The following MMP7 variants were observed in gnomAD, a reference collection of about 807,000 sequenced individuals.
MMP7 encodes matrilysin.
MMP7 carries 26 observed loss-of-function variants against 31.5 expected under a neutral mutation model. That is an observed-to-expected ratio of 0.83 (90% CI 0.61 to 1.15). The LOEUF is 1.15. MMP7 is among the 50% of genes most tolerant of loss of function. MMP7 has a pLI of 0.00. For missense variants in MMP7, 367 were observed against 326.5 expected (o/e 1.12, Z -0.96); for synonymous variants, 142 against 124.2 (o/e 1.14, Z -0.95).
chr11:102,528,982 G>A (rs896637102), intron 1 of MMP7, among the ~76,000 whole-genome samples: 1 of 152,160 alleles, frequency 6.6e-6, no homozygotes, highest in Non-Finnish European at 1.5e-5. Flanking sequence ...GAAATAAATT[G>A]CACAAGATCA....
At chr11:102,523,495 A>G in intron 4 of MMP7, 94 bp from the exon 5 acceptor site, 1 of 1,083,408 alleles carries the variant, frequency 9.2e-7, no homozygotes, top group Non-Finnish European at 1.2e-6. Flanking sequence ...AAAAAACTAA[A>G]GAAAAATACC....
chr11:102,527,658 G>A lies in MMP7; in HGVS notation c.350C>T (p.Thr117Ile), dbSNP rs770619822. The A allele has an allele frequency of 1.4e-5, 23 of 1,614,018 alleles. No individual in the cohort carries two copies. The South Asian group carries it at 2.5e-4, about 18-fold the overall frequency. ...KVVTYRIVSYTRDLPHITVDR... is the reference protein window; with the variant it reads ...KVVTYRIVSYIRDLPHITVDR... ...CACTGTAATATGCGGTAAGTCTCGA[G>A]TATATGATACGATCCTAGTAGCAAA... The change falls in exon 3 of 6, where the codon ACT becomes ATT. Residue 117 changes from threonine to isoleucine, a missense_variant. By Grantham distance (89) the Thr-to-Ile change is moderately conservative. Coordinates refer to ENST00000260227, the MANE Select transcript of MMP7 (RefSeq NM_002423.5).
In MMP7 at chr11:102,530,517, G is replaced by A. The variant is rs1858723124; in HGVS notation, c.108+76C>T. On this transcript the variant is annotated intron_variant, in intron 1 of 5. Transcript: ENST00000260227. ...TCCACTGCAATGCTAACATGGGAAG[G>A]GAAATAATTGAAAAACACATTTCTT... is the stretch of plus-strand genomic sequence containing the variant. 6 of 1,185,798 alleles carry A rather than the reference G, an allele frequency of 5.1e-6. No individual in the cohort carries two copies. In the South Asian group the frequency reaches 7.6e-5, roughly 15 times the overall value. 73.5% of individuals were successfully genotyped at this position (1,185,798 alleles called of 1,614,324 possible). A position where few individuals can be genotyped will look rare whatever the true frequency, so the allele number is the denominator to read the frequency against.
chr11:102,527,733 A>G (rs745617690), intron 2 of MMP7, 24 bp downstream of exon 2: 5 of 1,613,668 alleles, frequency 3.1e-6, no homozygotes. Flanking sequence ...TGTTTTTGCC[A>G]AAATGAGCCA....
At chr11:102,521,841 A>T (rs1858616980) in intron 5 of MMP7, among the ~76,000 whole-genome samples, 2 of 152,202 alleles carry the variant, frequency 1.3e-5, no homozygotes, top group African/African-American at 4.8e-5. Context: ...AGTTTTATGT[A>T]AGGGGAGGAT....
At chr11:102,521,273 C>T (rs2135902012) in intron 5 of MMP7, among the ~76,000 whole-genome samples, 1 of 152,370 alleles carries the variant, frequency 6.6e-6, no homozygotes, top group Admixed American at 6.5e-5. Context: ...TCTTGACTCA[C>T]TGCAACCTCT....
At chr11:102,522,023 G>T (rs1287838286) in intron 5 of MMP7, among the ~76,000 whole-genome samples, 1 of 152,122 alleles carries the variant, frequency 6.6e-6, no homozygotes, top group Non-Finnish European at 1.5e-5. Flanking sequence ...CCCATAAAAA[G>T]GATTATAATT....
At chr11:102,522,814 T>C (rs562098474) in intron 5 of MMP7, among the ~76,000 whole-genome samples, 1 of 152,318 alleles carries the variant, frequency 6.6e-6, no homozygotes, top group Non-Finnish European at 1.5e-5. Context: ...TCTCTACATG[T>C]ACGTGCAAAC....
intron 5 of MMP7, among the ~76,000 whole-genome samples, chr11:102,522,308 C>T (rs537503924): frequency 2.0e-5 from 3 of 152,202 alleles, no homozygotes; most frequent in South Asian, 4.1e-4. Context: ...TCATTGCTCA[C>T]GTGATCATTT....
In MMP7 at chr11:102,530,583, T is replaced by G; in HGVS notation, c.108+10A>C. 1 of 1,607,092 alleles carries G rather than the reference T, an allele frequency of 6.2e-7. No homozygotes were observed. Among genetic ancestry groups the G allele is most frequent in the Non-Finnish European group, 8.5e-7 (1 of 1,173,658 alleles). ...AGAATGGAACCCTAAGTAAGTGGGCTGTGACATACCTGAGCCTGTTCCCAC... is the reference window on the plus strand; with the variant it reads ...AGAATGGAACCCTAAGTAAGTGGGCGGTGACATACCTGAGCCTGTTCCCAC... On this transcript the variant is annotated intron_variant, in intron 1 of 5. Transcript: ENST00000260227.
At chr11:102,521,536 G>C (rs1019331081) in intron 5 of MMP7, among the ~76,000 whole-genome samples, 1 of 152,118 alleles carries the variant, frequency 6.6e-6, no homozygotes, top group Non-Finnish European at 1.5e-5. Context: ...TAGGAATCTT[G>C]TATCTTAATC....
At chr11:102,524,416 T>G (rs1384478972) in intron 4 of MMP7, 1 of 152,108 alleles carries the variant, frequency 6.6e-6, no homozygotes, top group East Asian at 1.9e-4. Flanking sequence ...AATCATGGAG[T>G]TGGTTCTTTC....
In MMP7 at chr11:102,524,921, C is replaced by T; in HGVS notation, c.613+15G>A. On this transcript the variant is annotated intron_variant, in intron 4 of 5. Transcript: ENST00000260227. The stretch of plus-strand genomic sequence containing the variant: ...TAAAACGGATGTGGAGTAGAAGAGA[C>T]ATGAGATGCTATACCTAGACTGCTA... 1 of 1,609,968 alleles carries T rather than the reference C, an allele frequency of 6.2e-7. No individual in the cohort carries two copies. Among genetic ancestry groups the T allele is most frequent in the Non-Finnish European group, 8.5e-7 (1 of 1,178,372 alleles).
At chr11:102,525,117 T>C in intron 3 of MMP7, 53 bp from the exon 4 acceptor site, 1 of 1,565,228 alleles carries the variant, frequency 6.4e-7, no homozygotes, top group Non-Finnish European at 8.6e-7. Context: ...TTTTCTCCAG[T>C]CATTTTATTT....
At chr11:102,523,949 G>A (rs976237094) in intron 4 of MMP7, among the ~76,000 whole-genome samples, 14 of 152,170 alleles carry the variant, frequency 9.2e-5, no homozygotes, top group Non-Finnish European at 1.9e-4. Context: ...GAAAGGCAGG[G>A]TCTCTAGGCA....
intron 3 of MMP7, among the ~76,000 whole-genome samples, chr11:102,525,494 T>C (rs1858660042): frequency 6.6e-6 from 1 of 151,366 alleles, no homozygotes; most frequent in Non-Finnish European, 1.5e-5. Flanking sequence ...GTAGCTGACA[T>C]TGTTATGTGC....
chr11:102,529,425 C>T (rs17881365), intron 1 of MMP7, among the ~76,000 whole-genome samples: 3,584 of 152,260 alleles, frequency 0.024, 146 homozygotes, highest in African/African-American at 0.082. Flanking sequence ...ACCTAGCTAA[C>T]ATCCCTCCAA....
chr11:102,526,244 T>A (rs78313380), intron 3 of MMP7, among the ~76,000 whole-genome samples: 22,741 of 130,990 alleles, frequency 0.17, 2,286 homozygotes, highest in Non-Finnish European at 0.24. Context: ...ATATATATTT[T>A]TTTTTTTTCT....
chr11:102,522,308 C>A (rs537503924), intron 5 of MMP7, among the ~76,000 whole-genome samples: 2 of 152,320 alleles, frequency 1.3e-5, no homozygotes, highest in Admixed American at 6.5e-5. Flanking sequence ...TCATTGCTCA[C>A]GTGATCATTT....
Sources: allele counts gnomAD v4.1 joint callset (sites outside exome capture counted in the v4.1 genomes callset), GRCh38; gene constraint gnomAD v4.1.1; transcripts MANE v1.5; gene names NCBI Gene and HGNC (gene_info 2026-07-23, HGNC 2026-07-21).